Variants in SLC35F4 observed in about 807,000 individuals in gnomAD.
SLC35F4 encodes chromosome 14 open reading frame 36.
A neutral mutation model predicts 44.2 loss-of-function variants in SLC35F4; 24 were observed. The ratio of observed to expected loss-of-function variants is 0.54; its 90% CI spans 0.39 to 0.76. The LOEUF is 0.76. Among genes scored for constraint, SLC35F4 ranks in the 30% least tolerant of loss-of-function variants. The probability of loss-of-function intolerance (pLI) is 0.00; values close to 1 mark genes in which losing one functional copy is unlikely to be tolerated. For synonymous variants in SLC35F4, 238 were observed against 223.6 expected (o/e 1.06, Z -0.57); for missense variants, 562 against 586.1 (o/e 0.96, Z 0.42).
At chr14:57,937,433 T>G (rs1345386883) in intron 1 of SLC35F4, among the ~76,000 whole-genome samples, 1 of 151,852 alleles carries the variant, frequency 6.6e-6, no homozygotes, top group East Asian at 1.9e-4. Flanking sequence ...TATAGATTAC[T>G]ATAGAAAGTA....
intron 1 of SLC35F4, among the ~76,000 whole-genome samples, chr14:57,893,547 C>T (rs893211477): frequency 6.6e-6 from 1 of 152,154 alleles, no homozygotes; most frequent in Non-Finnish European, 1.5e-5. Context: ...CCCGAGAAAC[C>T]ATTGTACTTA....
At chr14:57,669,939 G>A (rs1173027403) in intron 1 of SLC35F4, among the ~76,000 whole-genome samples, 2 of 152,038 alleles carry the variant, frequency 1.3e-5, no homozygotes, top group African/African-American at 2.4e-5. Context: ...GGTAGAATTC[G>A]GCTATGAATC....
At chr14:57,982,885 G>T (rs1269181439), upstream of SLC35F4, among the ~76,000 whole-genome samples, 2 of 152,018 alleles carry the variant, frequency 1.3e-5, no homozygotes, top group Non-Finnish European at 2.9e-5. Context: ...AGTCTTTTTT[G>T]AATCCTAATT....
At chr14:57,745,580 A>G (rs2076733335) in intron 1 of SLC35F4, among the ~76,000 whole-genome samples, 1 of 152,150 alleles carries the variant, frequency 6.6e-6, no homozygotes, top group Non-Finnish European at 1.5e-5. Context: ...AAAGTCAGGA[A>G]ACAACAGGTG....
intron 1 of SLC35F4, among the ~76,000 whole-genome samples, chr14:57,628,015 G>A (rs1358846219): frequency 1.3e-5 from 2 of 151,938 alleles, no homozygotes; most frequent in African/African-American, 4.8e-5. Flanking sequence ...ATTTTATTCA[G>A]TTCCTTTTGT....
chr14:57,720,979 CATATATATATATATATATAT>C lies in SLC35F4; in HGVS notation c.104-126875_104-126856del, dbSNP rs3062932. The stretch of plus-strand genomic sequence containing the variant: ...TGATTGTGTGAGTTAATAAACTCCT[CATATATATATATATATATAT>C]ATATATATATATATATGAGTTAATA... On this transcript the variant is annotated intron_variant, in intron 1 of 7. Coordinates refer to ENST00000556826, the MANE Select transcript of SLC35F4 (RefSeq NM_001306087.2). 3.4e-4 allele frequency among the ~76,000 whole-genome samples: 17 copies of C among 49,810 alleles called. 1 individual carries two copies. The highest frequency in any genetic ancestry group is 1.1e-3 in the South Asian group (1 of 872). 32.7% of individuals were successfully genotyped at this position (49,810 alleles called of 152,430 possible). A position where few individuals can be genotyped will look rare whatever the true frequency, so the allele number is the denominator to read the frequency against.
chr14:57,713,599 G>A (rs1015112294), intron 1 of SLC35F4, among the ~76,000 whole-genome samples: 1 of 152,114 alleles, frequency 6.6e-6, no homozygotes, highest in Non-Finnish European at 1.5e-5. Flanking sequence ...GTGTTTCTCT[G>A]TTTGCATTTA....
intron 1 of SLC35F4, among the ~76,000 whole-genome samples, chr14:57,722,586 A>C (rs975782633): frequency 2.4e-4 from 36 of 152,326 alleles, no homozygotes; most frequent in African/African-American, 8.4e-4. Context: ...ATTGGATCCC[A>C]TGGTGCCAGG....
intron 1 of SLC35F4, among the ~76,000 whole-genome samples, chr14:57,892,609 T>C (rs1481052488): frequency 2.6e-5 from 4 of 152,228 alleles, no homozygotes; most frequent in Admixed American, 6.5e-5. Flanking sequence ...ACAATGGTTA[T>C]CAATACCAAT....
chr14:57,706,525 A>C (rs2075680914), intron 1 of SLC35F4, among the ~76,000 whole-genome samples: 1 of 152,190 alleles, frequency 6.6e-6, no homozygotes, highest in Non-Finnish European at 1.5e-5. Context: ...ACTTAAGTTC[A>C]TAAATATAAG....
chr14:57,587,461 G>T (rs568828443), intron 3 of SLC35F4, among the ~76,000 whole-genome samples: 2 of 152,258 alleles, frequency 1.3e-5, no homozygotes, highest in East Asian at 3.9e-4. Flanking sequence ...AGATGAGTTC[G>T]TGTCCTTTGC....
At chr14:57,585,172 A>C (rs2069608002) in intron 3 of SLC35F4, among the ~76,000 whole-genome samples, 1 of 152,020 alleles carries the variant, frequency 6.6e-6, no homozygotes, top group Non-Finnish European at 1.5e-5. Flanking sequence ...ATTCCCAAGC[A>C]CTTGCAAAGT....
At chr14:57,750,714 T>A (rs2076864731) in intron 1 of SLC35F4, among the ~76,000 whole-genome samples, 1 of 151,608 alleles carries the variant, frequency 6.6e-6, no homozygotes. Context: ...GGCCTGCTTT[T>A]TAATGGAATT....
chr14:57,819,787 T>G (rs1882973788), intron 1 of SLC35F4, among the ~76,000 whole-genome samples: 1 of 145,418 alleles, frequency 6.9e-6, no homozygotes, highest in Admixed American at 7.0e-5. Flanking sequence ...CACTCCAGCC[T>G]GGGCAACAGA....
At chr14:57,737,559 C>T (rs1044438660) in intron 1 of SLC35F4, among the ~76,000 whole-genome samples, 1 of 152,302 alleles carries the variant, frequency 6.6e-6, no homozygotes, top group Non-Finnish European at 1.5e-5. Context: ...ACCCAGTTAG[C>T]TGTCAGAGGT....
chr14:57,580,044 A>G (rs1216743976), intron 4 of SLC35F4, among the ~76,000 whole-genome samples: 1 of 152,210 alleles, frequency 6.6e-6, no homozygotes, highest in Non-Finnish European at 1.5e-5. Flanking sequence ...AAGATAAGCC[A>G]GTAAAGAATG....
intron 1 of SLC35F4, among the ~76,000 whole-genome samples, chr14:57,810,470 T>C (rs1354184838): frequency 2.0e-5 from 3 of 152,222 alleles, no homozygotes; most frequent in Non-Finnish European, 2.9e-5. Context: ...ATGGAGATTA[T>C]GGGACAGGGA....
At chr14:57,771,587 A>T (rs533022866) in intron 1 of SLC35F4, among the ~76,000 whole-genome samples, 47 of 152,048 alleles carry the variant, frequency 3.1e-4, no homozygotes, top group Non-Finnish European at 4.1e-4. Flanking sequence ...TTAATTAATT[A>T]ATTTATTTAC....
intron 1 of SLC35F4, among the ~76,000 whole-genome samples, chr14:57,664,976 G>C (rs925786901): frequency 7.9e-5 from 12 of 152,252 alleles, no homozygotes; most frequent in Non-Finnish European, 1.8e-4. Context: ...CAGGTGGGCA[G>C]GAGCCATGTG....
Sources: allele counts gnomAD v4.1 joint callset (sites outside exome capture counted in the v4.1 genomes callset), GRCh38; gene constraint gnomAD v4.1.1; transcripts MANE v1.5; gene names NCBI Gene and HGNC (gene_info 2026-07-23, HGNC 2026-07-21).